A2ML1: variants seen among roughly 807,000 people sequenced by gnomAD.
The protein encoded by A2ML1 is alpha-2-macroglobulin-like protein 1.
A neutral mutation model predicts 181.9 loss-of-function variants in A2ML1; 161 were observed. The observed-to-expected ratio is 0.89, with a 90% CI of 0.78 to 1.01. The LOEUF is 1.01. Among genes scored for constraint, A2ML1 ranks in the 50% least tolerant of loss-of-function variants. A2ML1 has a pLI of 0.00. For synonymous variants in A2ML1, 663 were observed against 666.8 expected (o/e 0.99, Z 0.09); for missense variants, 1,670 against 1,768.1 (o/e 0.94, Z 1.00).
At chr12:8,854,699 G>A (rs1318719337) in intron 21 of A2ML1, 81 bp from the exon 22 acceptor site, 1 of 1,500,138 alleles carries the variant, frequency 6.7e-7, no homozygotes, top group African/African-American at 1.4e-5. Flanking sequence ...CACAGCGAGG[G>A]GCCTCCCTTC....
intron 7 of A2ML1, among the ~76,000 whole-genome samples, chr12:8,883,768 T>A (rs112717263): frequency 0.01 from 1,563 of 150,334 alleles, 29 homozygotes; most frequent in African/African-American, 0.037. Context: ...TGAGCCACCA[T>A]ACCTGGCCTG....
Position 8,868,576 on chromosome 12 carries a change from G to A in A2ML1, c.4101G>A (p.Val1367=), listed in dbSNP as rs753853826. 1 of 1,614,016 alleles carries A rather than the reference G, an allele frequency of 6.2e-7. No homozygotes were observed. The highest frequency in any genetic ancestry group is 1.7e-5 in the Admixed American group (1 of 59,978). Residue 1367 remains valine (V), a synonymous_variant, in exon 32 of 36, where the codon GTG becomes GTA. Coordinates refer to ENST00000299698, the MANE Select transcript of A2ML1 (RefSeq NM_144670.6). ...GSRSSSNMAI[V]EVKMLSGFSP... ...GTAGCTCTTCCAATATGGCTATTGTGGAAGTGAAGATGCTATCTGGGTTCA... is the reference window on the plus strand; with the variant it reads ...GTAGCTCTTCCAATATGGCTATTGTAGAAGTGAAGATGCTATCTGGGTTCA...
intron 11 of A2ML1, among the ~76,000 whole-genome samples, chr12:8,841,949 A>C (rs1347202798): frequency 6.6e-6 from 1 of 152,206 alleles, no homozygotes; most frequent in African/African-American, 2.4e-5. Context: ...CAACTGCCAC[A>C]ACAATGCTTC....
chr12:8,824,872 A>G (rs1373659580), intron 3 of A2ML1, among the ~76,000 whole-genome samples: 2 of 152,206 alleles, frequency 1.3e-5, no homozygotes, highest in African/African-American at 2.4e-5. Context: ...TATTTTACTT[A>G]ACATAATGAC....
chr12:8,855,666 A>G, intron 23 of A2ML1, 74 bp downstream of exon 23: 1 of 1,406,990 alleles, frequency 7.1e-7, no homozygotes. Context: ...GTGGGGCGGG[A>G]CATACGGACC....
chr12:8,880,140 G>T (rs187037004), downstream of A2ML1, among the ~76,000 whole-genome samples: 2 of 152,278 alleles, frequency 1.3e-5, no homozygotes, highest in East Asian at 3.9e-4. Context: ...GAGGCAGGCA[G>T]ATCACCTGAG....
chr12:8,841,290 C>T (rs1177720847), intron 10 of A2ML1, 79 bp from the exon 11 acceptor site: 2 of 1,346,942 alleles, frequency 1.5e-6, no homozygotes, highest in Non-Finnish European at 2.0e-6. Context: ...TAGTTTGCAC[C>T]AACCTAATAT....
intron 7 of A2ML1, among the ~76,000 whole-genome samples, chr12:8,883,794 T>G (rs1418433977): frequency 6.7e-6 from 1 of 148,916 alleles, no homozygotes; most frequent in Non-Finnish European, 1.5e-5. Context: ...TATTTTTATT[T>G]TTAATTTTTG....
At position 8,867,926 on chromosome 12, in the gene A2ML1, T is replaced by C. The variant is rs761908254; in HGVS notation, c.3802T>C (p.Ser1268Pro). ...TGAGGAGATCAACCTGGTTGTAAAATCCACTGAGAATTTCCAGCGCACATT... is the reference window on the plus strand; with the variant it reads ...TGAGGAGATCAACCTGGTTGTAAAACCCACTGAGAATTTCCAGCGCACATT... ...PSEEINLVVK[S>P]TENFQRTFNI... Residue 1268 changes from serine (S) to proline (P), a missense_variant, in exon 30 of 36, where the codon TCC (serine) becomes CCC (proline). Physicochemically the swap from Ser to Pro is moderately conservative, Grantham distance 74. Transcript: ENST00000299698. The C allele has an allele frequency of 1.2e-6, 2 of 1,614,212 alleles. No homozygotes were observed. The highest frequency in any genetic ancestry group is 1.7e-6 in the Non-Finnish European group (2 of 1,180,040).
chr12:8,847,345 T>C (rs1254332763), intron 14 of A2ML1, among the ~76,000 whole-genome samples: 1 of 151,994 alleles, frequency 6.6e-6, no homozygotes, highest in East Asian at 1.9e-4. Flanking sequence ...TTCTCTATCC[T>C]TCTACTGTGC....
chr12:8,850,661 C>T (rs917550075), intron 18 of A2ML1, among the ~76,000 whole-genome samples: 4 of 152,242 alleles, frequency 2.6e-5, no homozygotes, highest in South Asian at 4.1e-4. Context: ...CAGAATCAGA[C>T]GCATTCCTAA....
chr12:8,846,153 C>T lies in A2ML1; in HGVS notation c.1614C>T (p.Ala538=), dbSNP rs1370870454. The T allele has an allele frequency of 6.2e-7, 1 of 1,614,060 alleles. No individual in the cohort carries two copies. Among genetic ancestry groups the T allele is most frequent in the Non-Finnish European group, 8.5e-7 (1 of 1,180,034 alleles). The change falls in exon 14 of 36, where the codon GCC becomes GCT. Residue 538 remains alanine (A), a synonymous_variant. Transcript: ENST00000299698. ...LAPDPSLVIY[A]IFPSGGVVAD... is the part of the protein sequence containing the mutation. ...CTGATCCTTCCCTGGTGATCTATGC[C>T]ATTTTTCCCAGTGGAGGTGTTGTAG...
rs757931951 is a variant in A2ML1 at position 8,831,838 on chromosome 12, C to T, written c.462+2059C>T. 5.9e-3 allele frequency among the ~76,000 whole-genome samples: 895 copies of T among 152,236 alleles called. 2 individuals carry two copies. Among genetic ancestry groups the T allele is most frequent in the Non-Finnish European group, 9.4e-3 (640 of 68,024 alleles). On this transcript the variant is annotated intron_variant, in intron 4 of 35. Coordinates refer to ENST00000299698, the MANE Select transcript of A2ML1 (RefSeq NM_144670.6). ...GATCTCGGCTCGCCGCAACCTCTGCCTCCCAGGTTCAAGTGATTCTCCTGC... is the reference window on the plus strand; with the variant it reads ...GATCTCGGCTCGCCGCAACCTCTGCTTCCCAGGTTCAAGTGATTCTCCTGC...
In A2ML1 at chr12:8,854,809, C is replaced by T. The variant is rs2136898562; in HGVS notation, c.2742C>T (p.His914=). Residue 914 remains histidine, a synonymous_variant, in exon 22 of 36, where the codon CAC becomes CAT. Coordinates refer to ENST00000299698, the MANE Select transcript of A2ML1 (RefSeq NM_144670.6). ...AGGGAGTCCTGGTGGAGAAGACACA[C>T]AGCTCATTGCTGTGCCCAAAAGGTG... The part of the protein sequence containing the change: ...KPEGVLVEKT[H]SSLLCPKGKV... 6.2e-7 allele frequency: 1 copy of T among 1,614,062 alleles called. No homozygotes were observed. The highest frequency in any genetic ancestry group is 8.5e-7 in the Non-Finnish European group (1 of 1,180,018).
Position 8,823,842 on chromosome 12 carries a change from T to C in A2ML1, c.369T>C (p.Phe123=). 6.2e-7 allele frequency: 1 copy of C among 1,613,994 alleles called. No homozygotes were observed. Among genetic ancestry groups the C allele is most frequent in the South Asian group, 1.1e-5 (1 of 91,062 alleles). The change falls in exon 3 of 36, where the codon TTT becomes TTC. Residue 123 remains phenylalanine (F), a synonymous_variant. Coordinates refer to ENST00000299698, the MANE Select transcript of A2ML1 (RefSeq NM_144670.6). ...TTCAGAGGCAGGGGAACGGCACCTTTGTACAGACTGACAAACCTCTCTACA... is the reference window on the plus strand; with the variant it reads ...TTCAGAGGCAGGGGAACGGCACCTTCGTACAGACTGACAAACCTCTCTACA... The part of the protein sequence containing the change: ...VLIQRQGNGT[F]VQTDKPLYTP...
chr12:8,836,418 G>A, intron 7 of A2ML1, 79 bp downstream of exon 7: 1 of 1,263,684 alleles, frequency 7.9e-7, no homozygotes, highest in East Asian at 2.4e-5. Context: ...TGGGATGTGG[G>A]ATTATGGGTG....
At chr12:8,831,437 GCTCTTT>G (rs1371237691) in intron 4 of A2ML1, among the ~76,000 whole-genome samples, 3 of 152,106 alleles carry the variant, frequency 2.0e-5, no homozygotes, top group African/African-American at 7.2e-5. Context: ...CTGCAGTTAG[GCTCTTT>G]CTCTTGTGAA....
chr12:8,835,451 A>G, intron 5 of A2ML1, 56 bp from the exon 6 acceptor site: 1 of 1,602,548 alleles, frequency 6.2e-7, no homozygotes, highest in Non-Finnish European at 8.5e-7. Context: ...TGCTTTTTGC[A>G]ATGCAGAGTG....
chr12:8,869,220 C>T lies in A2ML1; in HGVS notation c.4221+17C>T, dbSNP rs772852256. 7.4e-6 allele frequency: 12 copies of T among 1,613,068 alleles called. No homozygotes were observed. In the Admixed American group the frequency reaches 1.8e-4, roughly 25 times the overall value. On this transcript the variant is annotated intron_variant, in intron 33 of 35. Coordinates refer to ENST00000299698, the MANE Select transcript of A2ML1 (RefSeq NM_144670.6). ...TTGGATGAGGTAGGTATTCAGGAAC[C>T]AGATCAAAGAGCTGGATTGCTTACG...
Sources: gnomAD v4.1 joint callset for allele counts (sites outside exome capture counted in the v4.1 genomes callset) on GRCh38, gnomAD v4.1.1 for gene constraint, MANE v1.5 for transcripts, NCBI Gene and HGNC (gene_info 2026-07-23, HGNC 2026-07-21) for gene names.